The following PHB1 variants were observed in gnomAD, a reference collection of about 807,000 sequenced individuals.
PHB1 encodes prohibitin 1.
the PHB1 span, chr17:49,406,791 C>G: frequency 6.2e-7 from 1 of 1,613,874 alleles, no homozygotes. Flanking sequence ...CTCTCTGCTT[C>G]CTGCTGAGCC....
At chr17:49,409,289 G>T in the PHB1 span, 3 of 1,611,890 alleles carry the variant, frequency 1.9e-6, no homozygotes, top group South Asian at 3.3e-5. Context: ...CCCTCCCAGG[G>T]TGGTGCTCTG....
At chr17:49,411,986 G>A in the PHB1 span, 13 of 684,998 alleles carry the variant, frequency 1.9e-5, no homozygotes, top group Non-Finnish European at 2.9e-5. Flanking sequence ...GGTCTCTAGA[G>A]ACTTCTAACT....
the PHB1 span, among the ~76,000 whole-genome samples, chr17:49,406,174 T>C: frequency 6.6e-6 from 1 of 152,224 alleles, no homozygotes. Flanking sequence ...TTCTCCAAAA[T>C]TAAATCTATC....
At chr17:49,413,185 A>G in the PHB1 span, 1 of 1,610,840 alleles carries the variant, frequency 6.2e-7, no homozygotes, top group Non-Finnish European at 8.5e-7. Flanking sequence ...ACCATTATAT[A>G]AGGCAGAGTT....
chr17:49,411,914 G>A, the PHB1 span: 1 of 1,362,404 alleles, frequency 7.3e-7, no homozygotes, highest in Non-Finnish European at 1.0e-6. Context: ...CTTTGAAAGA[G>A]CCCTGGTGCT....
the PHB1 span, chr17:49,405,100 C>G: frequency 6.2e-7 from 1 of 1,613,020 alleles, no homozygotes; most frequent in Non-Finnish European, 8.5e-7. Flanking sequence ...GCTTGCGCAG[C>G]TCGATCAGGC....
At chr17:49,406,531 G>A in the PHB1 span, among the ~76,000 whole-genome samples, 5 of 152,182 alleles carry the variant, frequency 3.3e-5, no homozygotes, top group South Asian at 4.1e-4. Context: ...TCAGAGAAGT[G>A]GAAGAAAAAT....
chr17:49,414,649 C>T, the PHB1 span: 2 of 152,300 alleles, frequency 1.3e-5, no homozygotes, highest in African/African-American at 4.8e-5. Flanking sequence ...TATTCCTCAC[C>T]CTGCCTCCAT....
At chr17:49,406,648 C>A in the PHB1 span, 1 of 791,214 alleles carries the variant, frequency 1.3e-6, no homozygotes, top group Admixed American at 1.9e-5. Flanking sequence ...TTCTGATTAT[C>A]CCGGAAGAAG....
the PHB1 span, chr17:49,412,245 C>A: frequency 5.8e-6 from 1 of 171,336 alleles, no homozygotes; most frequent in East Asian, 1.6e-4. Context: ...AGAAGTAGCA[C>A]CCTCATTATG....
the PHB1 span, among the ~76,000 whole-genome samples, chr17:49,411,473 C>T: frequency 2.6e-5 from 4 of 152,140 alleles, no homozygotes; most frequent in Non-Finnish European, 5.9e-5. Context: ...GCTGGGATTA[C>T]AGGCATGAAC....
the PHB1 span, chr17:49,405,185 G>A: frequency 7.4e-6 from 12 of 1,613,802 alleles, no homozygotes; most frequent in East Asian, 6.7e-5. Context: ...GATGATGGCC[G>A]CCTTTTTCTG....
At chr17:49,409,077 C>T in the PHB1 span, 6 of 1,610,598 alleles carry the variant, frequency 3.7e-6, no homozygotes, top group Non-Finnish European at 5.1e-6. Flanking sequence ...CCAAAGGTGG[C>T]GGCTCGCTCT....
chr17:49,411,807 G>A, the PHB1 span: 1 of 1,614,076 alleles, frequency 6.2e-7, no homozygotes, highest in Non-Finnish European at 8.5e-7. Context: ...CCACGGAATC[G>A]GTCAAAGATG....
At chr17:49,409,549 T>G in the PHB1 span, 99 of 954,708 alleles carry the variant, frequency 1.0e-4, no homozygotes, top group Middle Eastern at 1.0e-3. Flanking sequence ...TTTTGTTTTT[T>G]TTTTTTTTTG....
the PHB1 span, chr17:49,407,564 G>A: frequency 6.6e-6 from 1 of 152,238 alleles, no homozygotes; most frequent in Non-Finnish European, 1.5e-5. Context: ...TGTCCCTAAA[G>A]ATAGCACAAA....
At chr17:49,411,327 AG>A in the PHB1 span, among the ~76,000 whole-genome samples, 1 of 151,552 alleles carries the variant, frequency 6.6e-6, no homozygotes, top group Non-Finnish European at 1.5e-5. Flanking sequence ...CAGCCTCTCA[AG>A]TAGCTGGGAT....
At chr17:49,408,600 C>A in the PHB1 span, among the ~76,000 whole-genome samples, 12,454 of 152,212 alleles carry the variant, frequency 0.082, 720 homozygotes, top group Non-Finnish European at 0.12. Context: ...CACTGGGGTT[C>A]CCAGAGCTTA....
chr17:49,411,259 G>A, the PHB1 span, among the ~76,000 whole-genome samples: 1 of 148,824 alleles, frequency 6.7e-6, no homozygotes, highest in Non-Finnish European at 1.5e-5. Flanking sequence ...GCAGTGAAGT[G>A]GCACAATCTT....
Sources: gnomAD v4.1 joint callset for allele counts (sites outside exome capture counted in the v4.1 genomes callset) on GRCh38, gnomAD v4.1.1 for gene constraint, MANE v1.5 for transcripts, NCBI Gene and HGNC (gene_info 2026-07-23, HGNC 2026-07-21) for gene names.